The following PLXNA4 variants were observed in gnomAD, a reference collection of about 807,000 sequenced individuals.
PLXNA4 encodes plexin A4.
Under a neutral mutation model 191.8 loss-of-function variants are expected in PLXNA4, and 44 were observed. The observed-to-expected ratio is 0.23, with a 90% CI of 0.18 to 0.29. PLXNA4 has a LOEUF of 0.29. Ranked by LOEUF, PLXNA4 falls within the 10% of genes least tolerant of loss-of-function variation. The probability of loss-of-function intolerance (pLI) is 1.00; values close to 1 mark genes in which losing one functional copy is unlikely to be tolerated. For missense variants in PLXNA4, 1,800 were observed against 2,488.8 expected, an observed-to-expected ratio of 0.72 and a Z score of 5.89; for synonymous variants, 1,082 against 1,009.5, an observed-to-expected ratio of 1.07 and a Z score of -1.36.
intron 4 of PLXNA4, among the ~76,000 whole-genome samples, chr7:132,281,550 C>T (rs959999127): frequency 2.0e-5 from 3 of 152,176 alleles, no homozygotes; most frequent in Admixed American, 1.3e-4. Context: ...CACATTTACT[C>T]ATTATTGGCA....
At chr7:132,643,023 T>C (rs560572942) in intron 2 of PLXNA4, among the ~76,000 whole-genome samples, 1 of 152,172 alleles carries the variant, frequency 6.6e-6, no homozygotes, top group Admixed American at 6.5e-5. Flanking sequence ...GAGAAGGGTA[T>C]TAGGTGGCTG....
intron 2 of PLXNA4, among the ~76,000 whole-genome samples, chr7:132,590,951 T>C (rs1052932689): frequency 2.0e-5 from 3 of 152,140 alleles, no homozygotes; most frequent in Non-Finnish European, 4.4e-5. Flanking sequence ...CCAGTCTCTC[T>C]TCCTACTTTC....
intron 1 of PLXNA4, among the ~76,000 whole-genome samples, chr7:132,552,825 C>T (rs1291132710): frequency 1.3e-5 from 2 of 152,154 alleles, no homozygotes; most frequent in Non-Finnish European, 2.9e-5. Context: ...GAGACCCTCA[C>T]CCCAAAGCCA....
intron 2 of PLXNA4, among the ~76,000 whole-genome samples, chr7:132,597,359 T>G (rs1052431560): frequency 1.3e-5 from 2 of 152,222 alleles, no homozygotes; most frequent in Non-Finnish European, 2.9e-5. Flanking sequence ...GTGTCACTAT[T>G]CTATCACAAG....
At chr7:132,613,054 A>G (rs1234862357) in intron 2 of PLXNA4, among the ~76,000 whole-genome samples, 2 of 152,190 alleles carry the variant, frequency 1.3e-5, no homozygotes, top group Non-Finnish European at 2.9e-5. Flanking sequence ...GTAGTCCTTG[A>G]CGCTTCTGAA....
At chr7:132,620,328 G>C (rs1262086497) in intron 2 of PLXNA4, among the ~76,000 whole-genome samples, 1 of 152,030 alleles carries the variant, frequency 6.6e-6, no homozygotes, top group Non-Finnish European at 1.5e-5. Flanking sequence ...CTTTGTTCAA[G>C]GTCTTAAAAT....
intron 25 of PLXNA4, among the ~76,000 whole-genome samples, chr7:132,153,924 C>A (rs1215967658): frequency 6.6e-6 from 1 of 152,154 alleles, no homozygotes; most frequent in Non-Finnish European, 1.5e-5. Flanking sequence ...ATCATCATCT[C>A]TCCTCAGACC....
intron 3 of PLXNA4, among the ~76,000 whole-genome samples, chr7:132,367,491 G>A (rs1052117901): frequency 6.6e-6 from 1 of 152,026 alleles, no homozygotes; most frequent in Non-Finnish European, 1.5e-5. Context: ...AAGAAGAAAG[G>A]GGGGGTGAAG....
chr7:132,341,751 GGGTT>G, intron 3 of PLXNA4, among the ~76,000 whole-genome samples: 1 of 152,262 alleles, frequency 6.6e-6, no homozygotes, highest in Admixed American at 6.5e-5. Context: ...GAGTATTTTA[GGGTT>G]GAGTTCTTTC....
upstream of PLXNA4, among the ~76,000 whole-genome samples, chr7:132,580,423 G>C (rs1246929743): frequency 6.6e-6 from 1 of 152,118 alleles, no homozygotes; most frequent in Non-Finnish European, 1.5e-5. Context: ...ACTGACAATG[G>C]CTCTGTGAGT....
chr7:132,489,661 C>A (rs913149248), intron 2 of PLXNA4, among the ~76,000 whole-genome samples, 187 bp from the exon 3 acceptor site: 1 of 152,142 alleles, frequency 6.6e-6, no homozygotes, highest in African/African-American at 2.4e-5. Flanking sequence ...CCTGAGTGGG[C>A]AGGTGCAGGG....
chr7:132,255,587 C>T (rs1204822993), intron 4 of PLXNA4, among the ~76,000 whole-genome samples: 1 of 152,250 alleles, frequency 6.6e-6, no homozygotes, highest in East Asian at 1.9e-4. Flanking sequence ...CCTCAGTTAC[C>T]ATATATGTAA....
At chr7:132,185,580 G>A (rs1445332137) in intron 15 of PLXNA4, 117 bp from the exon 16 acceptor site, 1 of 1,419,386 alleles carries the variant, frequency 7.0e-7, no homozygotes, top group Non-Finnish European at 9.3e-7. Context: ...CCATGGGTGG[G>A]TGCTCTCAGA....
At chr7:132,503,828 C>G (rs964998642) in intron 2 of PLXNA4, among the ~76,000 whole-genome samples, 4 of 152,198 alleles carry the variant, frequency 2.6e-5, no homozygotes, top group Non-Finnish European at 5.9e-5. Flanking sequence ...CCCCTCATAC[C>G]CATGTCCTCA....
At chr7:132,197,091 A>C (rs1797275949) in intron 13 of PLXNA4, among the ~76,000 whole-genome samples, 1 of 152,210 alleles carries the variant, frequency 6.6e-6, no homozygotes, top group Non-Finnish European at 1.5e-5. Context: ...TTTTCTTTAT[A>C]ATTTCCTCTG....
intron 3 of PLXNA4, among the ~76,000 whole-genome samples, chr7:132,426,595 C>T (rs1291709677): frequency 1.3e-5 from 2 of 152,112 alleles, no homozygotes; most frequent in African/African-American, 4.8e-5. Context: ...ATCTAAAGTC[C>T]TGGGAGGCAC....
At chr7:132,370,851 T>A (rs977995444) in intron 3 of PLXNA4, among the ~76,000 whole-genome samples, 1 of 152,226 alleles carries the variant, frequency 6.6e-6, no homozygotes, top group African/African-American at 2.4e-5. Flanking sequence ...TGTGTGGGCA[T>A]ACCACGTCCC....
intron 14 of PLXNA4, among the ~76,000 whole-genome samples, chr7:132,188,126 C>A (rs1179737469): frequency 2.0e-5 from 3 of 152,064 alleles, no homozygotes; most frequent in Admixed American, 6.5e-5. Flanking sequence ...CAGGTCTCTA[C>A]AAAGAGCTGC....
chr7:132,136,760 A>T (rs901108751), intron 30 of PLXNA4, among the ~76,000 whole-genome samples: 1 of 152,198 alleles, frequency 6.6e-6, no homozygotes, highest in Admixed American at 6.5e-5. Context: ...AACTCTTTGG[A>T]AAGGACACAG....
Sources: allele counts gnomAD v4.1 joint callset (sites outside exome capture counted in the v4.1 genomes callset), GRCh38; gene constraint gnomAD v4.1.1; transcripts MANE v1.5; gene names NCBI Gene and HGNC (gene_info 2026-07-23, HGNC 2026-07-21).